AGMO: variants seen among roughly 807,000 people sequenced by gnomAD.
AGMO encodes the protein alkylglycerol monooxygenase.
AGMO carries 75 observed loss-of-function variants against 60.2 expected under a neutral mutation model. The ratio of observed to expected loss-of-function variants is 1.25; its 90% CI spans 1.03 to 1.51. AGMO has a LOEUF of 1.51. Ranked by LOEUF, AGMO falls within the 40% of genes most tolerant of loss-of-function variation. AGMO has a pLI of 0.00. For missense variants in AGMO, 763 were observed against 525.5 expected, an observed-to-expected ratio of 1.45 and a Z score of -4.42; for synonymous variants, 261 against 177.1, an observed-to-expected ratio of 1.47 and a Z score of -3.76.
chr7:15,492,398 T>C (rs1484159596), intron 3 of AGMO, among the ~76,000 whole-genome samples: 2 of 151,160 alleles, frequency 1.3e-5, no homozygotes, highest in African/African-American at 4.9e-5. Flanking sequence ...AATTCAATCA[T>C]TAGCCATAAA....
chr7:15,355,159 G>T (rs1782474880), intron 12 of AGMO, among the ~76,000 whole-genome samples: 1 of 151,986 alleles, frequency 6.6e-6, no homozygotes, highest in Non-Finnish European at 1.5e-5. Context: ...CAAGAATAGA[G>T]AAAAATCATC....
chr7:15,248,180 A>ATG (rs1491479933), intron 12 of AGMO, among the ~76,000 whole-genome samples: 6 of 15,034 alleles, frequency 4.0e-4, no homozygotes, highest in Non-Finnish European at 6.7e-4. Context: ...ATCCAGCACC[A>ATG]TATATATATA....
intron 9 of AGMO, among the ~76,000 whole-genome samples, chr7:15,385,837 C>T (rs191905610): frequency 6.6e-6 from 1 of 152,216 alleles, no homozygotes; most frequent in African/African-American, 2.4e-5. Flanking sequence ...TGTATCTTCC[C>T]TATTTGATAT....
the AGMO span, among the ~76,000 whole-genome samples, chr7:15,168,505 C>T: frequency 2.5e-3 from 386 of 152,206 alleles, no homozygotes; most frequent in African/African-American, 8.5e-3. Flanking sequence ...AGAGCTAAGA[C>T]GGGAATTGTG....
chr7:15,387,306 T>C (rs552562056), intron 9 of AGMO, 100 bp downstream of exon 9: 4 of 1,365,568 alleles, frequency 2.9e-6, no homozygotes, highest in East Asian at 2.3e-5. Context: ...GGGAACATCT[T>C]TTTACAGATT....
intron 12 of AGMO, chr7:15,358,362 GC>G (rs1363429254): frequency 2.1e-6 from 1 of 467,018 alleles, no homozygotes; most frequent in East Asian, 7.0e-5. Flanking sequence ...CAAAAGAGCT[GC>G]CCAGACGAGA....
At chr7:15,190,127 TTATATA>T in the AGMO span, among the ~76,000 whole-genome samples, 4 of 1,522 alleles carry the variant, frequency 2.6e-3, no homozygotes, top group Non-Finnish European at 3.9e-3. Flanking sequence ...ATATATATAT[TTATATA>T]TATATATATA....
At chr7:15,560,032 G>T (rs1020395725) in intron 2 of AGMO, 109 bp downstream of exon 2, 2 of 1,110,802 alleles carry the variant, frequency 1.8e-6, no homozygotes, top group Non-Finnish European at 1.2e-6. Flanking sequence ...TGAATTTTTT[G>T]GGAAAATTTG....
At chr7:15,368,984 C>T (rs1373964152) in intron 10 of AGMO, among the ~76,000 whole-genome samples, 1 of 152,112 alleles carries the variant, frequency 6.6e-6, no homozygotes, top group Non-Finnish European at 1.5e-5. Context: ...TCCTCCTCTA[C>T]AACATATATT....
At chr7:15,281,401 G>A (rs1253370396) in intron 12 of AGMO, among the ~76,000 whole-genome samples, 1 of 152,176 alleles carries the variant, frequency 6.6e-6, no homozygotes, top group Non-Finnish European at 1.5e-5. Flanking sequence ...CTCCACAGGA[G>A]AAGGGCCCTC....
At chr7:15,529,547 T>C (rs958304824) in intron 3 of AGMO, among the ~76,000 whole-genome samples, 4 of 122,540 alleles carry the variant, frequency 3.3e-5, no homozygotes, top group African/African-American at 1.3e-4. Context: ...ATATATTCTA[T>C]ATATATAGAA....
chr7:15,375,894 C>T (rs557732628), intron 10 of AGMO, among the ~76,000 whole-genome samples: 113 of 152,102 alleles, frequency 7.4e-4, no homozygotes, highest in Admixed American at 3.5e-3. Flanking sequence ...CTGATCCTCA[C>T]CAAATTAGAA....
rs528227611 is a variant in AGMO, at chr7:15,500,284, A to C, written c.409+44488T>G. Among the ~76,000 whole-genome samples the C allele has an allele frequency of 3.4e-4, 52 of 152,038 alleles. 1 individual carries two copies. In the South Asian group the frequency reaches 0.011, roughly 31 times the overall value. ...GTCTGTCCCAGTCAGGGAATATTCA[A>C]TGGACAAAAAGAGCCACAAGGAGTT... On this transcript the variant is annotated intron_variant, in intron 3 of 12. Transcript: ENST00000342526.
At chr7:15,269,954 T>C (rs538521569) in intron 12 of AGMO, among the ~76,000 whole-genome samples, 2 of 152,256 alleles carry the variant, frequency 1.3e-5, no homozygotes, top group East Asian at 3.9e-4. Flanking sequence ...TTCAATTTTA[T>C]TATGAAATTA....
the AGMO span, among the ~76,000 whole-genome samples, chr7:15,119,396 G>T: frequency 6.6e-6 from 1 of 151,956 alleles, no homozygotes; most frequent in Non-Finnish European, 1.5e-5. Context: ...CTTTATACCA[G>T]TTTAATACTT....
intron 3 of AGMO, among the ~76,000 whole-genome samples, chr7:15,468,339 C>T (rs772732860): frequency 9.9e-5 from 15 of 151,962 alleles, no homozygotes; most frequent in Non-Finnish European, 1.6e-4. Context: ...TTTTTCTATA[C>T]GATTCAATAA....
chr7:15,320,261 T>C (rs938365628), intron 12 of AGMO, among the ~76,000 whole-genome samples: 46 of 151,856 alleles, frequency 3.0e-4, no homozygotes, highest in African/African-American at 1.1e-3. Context: ...TAAAGTATAA[T>C]AAAAATATAC....
intron 3 of AGMO, among the ~76,000 whole-genome samples, chr7:15,441,850 G>GAGCACT (rs1781567023): frequency 6.6e-6 from 1 of 151,974 alleles, no homozygotes; most frequent in African/African-American, 2.4e-5. Flanking sequence ...GAAATCACTA[G>GAGCACT]GTAGAAAGTA....
chr7:15,161,576 T>C, the AGMO span, among the ~76,000 whole-genome samples: 4 of 151,686 alleles, frequency 2.6e-5, no homozygotes, highest in East Asian at 5.8e-4. Context: ...ATTTTACATA[T>C]ATGTGTATAT....
Sources: gnomAD v4.1 joint callset for allele counts (sites outside exome capture counted in the v4.1 genomes callset) on GRCh38, gnomAD v4.1.1 for gene constraint, MANE v1.5 for transcripts, NCBI Gene and HGNC (gene_info 2026-07-23, HGNC 2026-07-21) for gene names.